MTX2: variants seen among roughly 807,000 people sequenced by gnomAD.
The protein encoded by MTX2 is metaxin 2, also known as metaxin-2.
MTX2 carries 35 observed loss-of-function variants against 42.3 expected under a neutral mutation model. The observed-to-expected ratio is 0.83, with a 90% CI of 0.63 to 1.10. The LOEUF (loss-of-function observed/expected upper bound fraction) is 1.10. Ranked by LOEUF, MTX2 falls within the 50% of genes least tolerant of loss-of-function variation. The pLI is 0.00. For synonymous variants in MTX2, 119 were observed against 100.9 expected (o/e 1.18, Z -1.08); for missense variants, 307 against 304.1 (o/e 1.01, Z -0.07).
At chr2:176,281,832 T>C (rs928495407) in intron 1 of MTX2, among the ~76,000 whole-genome samples, 3 of 152,156 alleles carry the variant, frequency 2.0e-5, no homozygotes, top group African/African-American at 7.2e-5. Context: ...TGTAATTAGT[T>C]ATCTATGGAA....
intron 1 of MTX2, among the ~76,000 whole-genome samples, chr2:176,277,626 T>TC (rs1692979233): frequency 6.6e-6 from 1 of 152,184 alleles, no homozygotes; most frequent in East Asian, 1.9e-4. Flanking sequence ...GGTCTCGAAC[T>TC]CCCGACCTCA....
At chr2:176,301,359 A>G (rs1684018556) in intron 3 of MTX2, among the ~76,000 whole-genome samples, 1 of 152,074 alleles carries the variant, frequency 6.6e-6, no homozygotes. Context: ...AGAAAACAAC[A>G]ACGACATTGG....
chr2:176,282,967 G>A (rs1693117244), intron 1 of MTX2, among the ~76,000 whole-genome samples: 1 of 152,204 alleles, frequency 6.6e-6, no homozygotes, highest in Non-Finnish European at 1.5e-5. Context: ...CTCCCAAAGT[G>A]CTGGGATTAC....
At chr2:176,317,519 A>G (rs910643897) in intron 3 of MTX2, among the ~76,000 whole-genome samples, 1 of 152,138 alleles carries the variant, frequency 6.6e-6, no homozygotes, top group African/African-American at 2.4e-5. Flanking sequence ...GAGTGAGGCT[A>G]AAGAGATGAG....
Position 176,291,260 on chromosome 2 carries a change from T to C in MTX2, c.41-5600T>C, listed in dbSNP as rs148006421. On this transcript the variant is annotated intron_variant, in intron 1 of 9. Coordinates refer to ENST00000249442, the MANE Select transcript of MTX2 (RefSeq NM_006554.5). Reference sequence around the variant, plus strand: ...GTGTTGAAGTTGTTTGAGTAAAGTTTATTTTATTTTTTATGTTTTGCCATG... The same window carrying C: ...GTGTTGAAGTTGTTTGAGTAAAGTTCATTTTATTTTTTATGTTTTGCCATG... Among the ~76,000 whole-genome samples, 7 of 152,338 alleles carry C rather than the reference T, an allele frequency of 4.6e-5. No individual in the cohort carries two copies. The East Asian group carries it at 1.3e-3, about 29-fold the overall frequency.
intron 3 of MTX2, among the ~76,000 whole-genome samples, chr2:176,317,017 A>T (rs1684458348): frequency 1.4e-5 from 2 of 139,596 alleles, no homozygotes; most frequent in Non-Finnish European, 1.5e-5. Flanking sequence ...TGTGTTTTGG[A>T]TTTTGACTAA....
intron 9 of MTX2, 24 bp downstream of exon 9, chr2:176,330,684 GT>G (rs1331521729): frequency 6.5e-7 from 1 of 1,546,354 alleles, no homozygotes; most frequent in Non-Finnish European, 8.9e-7. Context: ...CTTTTTTAAA[GT>G]TAATTTTCTG....
At chr2:176,309,901 T>C (rs2105426304) in intron 3 of MTX2, among the ~76,000 whole-genome samples, 1 of 152,290 alleles carries the variant, frequency 6.6e-6, no homozygotes, top group East Asian at 1.9e-4. Flanking sequence ...TTAGCCCATT[T>C]ACATTTAAGG....
intron 9 of MTX2, among the ~76,000 whole-genome samples, chr2:176,335,765 A>G (rs1299848326): frequency 1.3e-5 from 2 of 152,048 alleles, no homozygotes; most frequent in African/African-American, 4.8e-5. Context: ...GGGATACTGT[A>G]AATTACTGCT....
chr2:176,307,119 T>C (rs1449145442), intron 3 of MTX2, among the ~76,000 whole-genome samples: 2 of 152,240 alleles, frequency 1.3e-5, no homozygotes, highest in African/African-American at 2.4e-5. Context: ...TTCAGCTTTC[T>C]ACATATGGCT....
intron 3 of MTX2, among the ~76,000 whole-genome samples, chr2:176,315,211 A>G (rs777052857): frequency 1.3e-5 from 2 of 152,162 alleles, no homozygotes; most frequent in Non-Finnish European, 2.9e-5. Flanking sequence ...AAAAGTGATA[A>G]TTAGAGACAA....
At chr2:176,320,248 A>C (rs1305766546) in intron 3 of MTX2, among the ~76,000 whole-genome samples, 1 of 148,036 alleles carries the variant, frequency 6.8e-6, no homozygotes, top group Non-Finnish European at 1.5e-5. Flanking sequence ...ATTGTGTCTC[A>C]AAAAAAAAAG....
intron 1 of MTX2, among the ~76,000 whole-genome samples, chr2:176,278,835 C>T (rs1457583764): frequency 6.6e-6 from 1 of 151,970 alleles, no homozygotes; most frequent in East Asian, 1.9e-4. Context: ...AAGTATTTGC[C>T]TTGCCAGTAA....
chr2:176,297,699 T>G, intron 2 of MTX2, 150 bp from the exon 3 acceptor site: 1 of 393,012 alleles, frequency 2.5e-6, no homozygotes, highest in Non-Finnish European at 4.6e-6. Context: ...TTGTGATAAT[T>G]TAATCAAAAT....
At chr2:176,311,853 T>G (rs1684317984) in intron 3 of MTX2, among the ~76,000 whole-genome samples, 1 of 152,200 alleles carries the variant, frequency 6.6e-6, no homozygotes, top group Non-Finnish European at 1.5e-5. Context: ...CCCCTTGCGC[T>G]TCCTGGGTGA....
intron 3 of MTX2, among the ~76,000 whole-genome samples, chr2:176,320,177 G>A (rs905011328): frequency 3.3e-5 from 5 of 152,026 alleles, no homozygotes; most frequent in African/African-American, 1.2e-4. Context: ...GGTTTTGGGA[G>A]TTGAAGGTTG....
chr2:176,331,530 TGTA>T (rs1434879940), intron 9 of MTX2, among the ~76,000 whole-genome samples: 2 of 151,178 alleles, frequency 1.3e-5, no homozygotes, highest in African/African-American at 2.4e-5. Flanking sequence ...AGATAATATT[TGTA>T]GTAAAAATGG....
intron 5 of MTX2, 38 bp from the exon 6 acceptor site, chr2:176,328,255 A>G (rs1228663593): frequency 6.0e-6 from 8 of 1,338,588 alleles, no homozygotes; most frequent in Non-Finnish European, 8.2e-6. Flanking sequence ...TGTATATTTA[A>G]TATGATGTTC....
rs1303510025 is a variant in MTX2, at chr2:176,311,456, G to T, written c.136-11936G>T. The stretch of plus-strand genomic sequence containing the variant: ...TTCAGAGCTGTCAGACAGGGACATT[G>T]AAGTCTGCAGAAGTTGTCTGCTGTC... On this transcript the variant is annotated intron_variant, in intron 3 of 9. Transcript: ENST00000249442. 2.0e-5 allele frequency among the ~76,000 whole-genome samples: 3 copies of T among 152,224 alleles called. No individual in the cohort carries two copies. In the East Asian group the frequency reaches 5.8e-4, roughly 29 times the overall value.
Sources: allele counts gnomAD v4.1 joint callset (sites outside exome capture counted in the v4.1 genomes callset), GRCh38; gene constraint gnomAD v4.1.1; transcripts MANE v1.5; gene names NCBI Gene and HGNC (gene_info 2026-07-23, HGNC 2026-07-21).